Variants in MYO1E observed in about 807,000 individuals in gnomAD.
MYO1E encodes unconventional myosin-Ie.
Under a neutral mutation model 151.1 loss-of-function variants are expected in MYO1E, and 68 were observed. The observed-to-expected ratio is 0.45, with a 90% confidence interval of 0.37 to 0.55. MYO1E has a LOEUF of 0.55. Among genes scored for constraint, MYO1E ranks in the 20% least tolerant of loss-of-function variants. The probability of loss-of-function intolerance (pLI) is 0.00; values close to 1 mark genes in which losing one functional copy is unlikely to be tolerated. For synonymous variants in MYO1E, 601 were observed against 501.7 expected (o/e 1.20, Z -2.64); for missense variants, 1,363 against 1,389.3 (o/e 0.98, Z 0.30).
At position 59,237,388 on chromosome 15, in the gene MYO1E, T is replaced by C. The variant is rs140585568; in HGVS notation, c.333-716A>G. ...AAAGGCCACCTTCCGCTGGGTAGCC[T>C]TCCTGCATGGGGAGAGCCTTTTGTT... On this transcript the variant is annotated intron_variant, in intron 4 of 27. Transcript: ENST00000288235. 3.1e-4 allele frequency among the ~76,000 whole-genome samples: 47 copies of C among 152,312 alleles called. No homozygotes were observed. The East Asian group carries it at 8.3e-3, about 27-fold the overall frequency.
chr15:59,286,414 G>A (rs1188527350), intron 1 of MYO1E, among the ~76,000 whole-genome samples: 1 of 152,216 alleles, frequency 6.6e-6, no homozygotes, highest in East Asian at 1.9e-4. Flanking sequence ...TAAGGTTGAT[G>A]AAATTATTTT....
At chr15:59,171,105 G>A (rs567670687) in intron 22 of MYO1E, 1 of 156,020 alleles carries the variant, frequency 6.4e-6, no homozygotes, top group South Asian at 2.0e-4. Flanking sequence ...TGGATTGCGA[G>A]GATTTCCTGT....
At chr15:59,274,951 G>A (rs1416896162) in intron 1 of MYO1E, among the ~76,000 whole-genome samples, 11 of 152,138 alleles carry the variant, frequency 7.2e-5, no homozygotes, top group African/African-American at 2.7e-4. Context: ...TATATAACAA[G>A]GTGACAGTGG....
chr15:59,372,407 C>CAGGCAG, intron 1 of MYO1E, 91 bp downstream of exon 1: 3 of 1,483,430 alleles, frequency 2.0e-6, no homozygotes, highest in East Asian at 2.5e-5. Context: ...ACCCCTGGCC[C>CAGGCAG]CGGCAGCGCG....
At chr15:59,253,481 G>GTTTTTTT (rs5812967) in intron 4 of MYO1E, among the ~76,000 whole-genome samples, 1 of 126,938 alleles carries the variant, frequency 7.9e-6, no homozygotes, top group African/African-American at 3.0e-5. Context: ...GTCTGATCGA[G>GTTTTTTT]TTTTTTTTTT....
intron 17 of MYO1E, among the ~76,000 whole-genome samples, chr15:59,190,528 C>T (rs938897985): frequency 6.6e-6 from 1 of 152,192 alleles, no homozygotes; most frequent in Non-Finnish European, 1.5e-5. Context: ...CCTATTGCAA[C>T]ATGCTAGGGT....
chr15:59,151,035 ACACACACACACACACG>A (rs1332050595), intron 26 of MYO1E, among the ~76,000 whole-genome samples: 3 of 130,090 alleles, frequency 2.3e-5, no homozygotes, highest in African/African-American at 7.2e-5. Context: ...ACACACACAC[ACACACACACACACACG>A]CGCGCGCGCG....
At chr15:59,293,308 A>C (rs1406066737) in intron 1 of MYO1E, among the ~76,000 whole-genome samples, 3 of 152,082 alleles carry the variant, frequency 2.0e-5, no homozygotes, top group African/African-American at 7.2e-5. Context: ...ACAGTCCATA[A>C]TGCTGGCATG....
intron 26 of MYO1E, among the ~76,000 whole-genome samples, chr15:59,147,702 G>A (rs1231130938): frequency 6.6e-6 from 1 of 151,576 alleles, no homozygotes; most frequent in Non-Finnish European, 1.5e-5. Flanking sequence ...TTGTCCAAAT[G>A]AGGCTCTCAT....
At chr15:59,296,564 C>G (rs2080449547) in intron 1 of MYO1E, among the ~76,000 whole-genome samples, 1 of 152,184 alleles carries the variant, frequency 6.6e-6, no homozygotes, top group South Asian at 2.1e-4. Context: ...CCTTGAAACA[C>G]AGTCGGGACG....
intron 1 of MYO1E, among the ~76,000 whole-genome samples, chr15:59,274,858 T>C (rs143362700): frequency 0.023 from 3,436 of 152,312 alleles, 56 homozygotes; most frequent in South Asian, 0.038. Flanking sequence ...TTGATTCTCA[T>C]AGTTCCAAGT....
At chr15:59,277,322 G>A (rs570648274) in intron 1 of MYO1E, among the ~76,000 whole-genome samples, 1 of 152,140 alleles carries the variant, frequency 6.6e-6, no homozygotes, top group East Asian at 1.9e-4. Flanking sequence ...CAAGGTGGGC[G>A]GATCACAAGC....
chr15:59,271,045 CT>C (rs1475120589), intron 2 of MYO1E: 3 of 152,252 alleles, frequency 2.0e-5, no homozygotes, highest in Admixed American at 2.0e-4. Flanking sequence ...GTAAAATTCC[CT>C]TATAGTAAAT....
At chr15:59,187,899 C>T (rs2079708242) in intron 18 of MYO1E, among the ~76,000 whole-genome samples, 1 of 152,112 alleles carries the variant, frequency 6.6e-6, no homozygotes, top group African/African-American at 2.4e-5. Flanking sequence ...CTGACTGGGC[C>T]CAGAGGCAAG....
intron 1 of MYO1E, among the ~76,000 whole-genome samples, chr15:59,291,924 T>C (rs2080422086): frequency 3.9e-5 from 6 of 151,952 alleles, no homozygotes. Flanking sequence ...ATAAATGCTC[T>C]AAAGGAAAAA....
At chr15:59,368,844 T>A (rs2080929322) in intron 1 of MYO1E, among the ~76,000 whole-genome samples, 1 of 152,138 alleles carries the variant, frequency 6.6e-6, no homozygotes, top group Admixed American at 6.6e-5. Flanking sequence ...TTCTTATACT[T>A]CTCCATCCCT....
intron 18 of MYO1E, 107 bp downstream of exon 18, chr15:59,188,011 A>G (rs2079709114): frequency 1.2e-6 from 1 of 845,940 alleles, no homozygotes. Flanking sequence ...CTCTGTGAAT[A>G]CGTTAAAAGC....
chr15:59,307,019 A>C (rs2080518607), intron 1 of MYO1E, among the ~76,000 whole-genome samples: 1 of 152,250 alleles, frequency 6.6e-6, no homozygotes, highest in Non-Finnish European at 1.5e-5. Flanking sequence ...CAGAGACTTG[A>C]GAACGGGATG....
In MYO1E at chr15:59,263,700, G is replaced by A. The variant is rs535773689; in HGVS notation, c.148-2191C>T. 3.3e-5 allele frequency among the ~76,000 whole-genome samples: 5 copies of A among 152,290 alleles called. No homozygotes were observed. In the South Asian group the frequency reaches 1.0e-3, roughly 32 times the overall value. ...AACATGAATTGCTATTAGGGAAGATGAAGTGGTTTTAAGACCACTTCAGCA... is the reference window on the plus strand; with the variant it reads ...AACATGAATTGCTATTAGGGAAGATAAAGTGGTTTTAAGACCACTTCAGCA... On this transcript the variant is annotated intron_variant, in intron 2 of 27. Transcript: ENST00000288235.
Sources: allele counts gnomAD v4.1 joint callset (sites outside exome capture counted in the v4.1 genomes callset), GRCh38; gene constraint gnomAD v4.1.1; transcripts MANE v1.5; gene names NCBI Gene and HGNC (gene_info 2026-07-23, HGNC 2026-07-21).